Variants in SLC2A9 observed in about 807,000 individuals in gnomAD.
SLC2A9 encodes solute carrier family 2 member 9.
A neutral mutation model predicts 50.6 loss-of-function variants in SLC2A9; 39 were observed. The ratio of observed to expected loss-of-function variants is 0.77; its 90% CI spans 0.60 to 1.01. SLC2A9 has a LOEUF of 1.01. SLC2A9 is among the 50% of genes least tolerant of loss of function. SLC2A9 has a pLI of 0.00. For missense variants in SLC2A9, 686 were observed against 677.6 expected (o/e 1.01, Z -0.14); for synonymous variants, 324 against 276.9 (o/e 1.17, Z -1.69).
At chr4:9,976,232 G>A (rs947490477) in intron 5 of SLC2A9, among the ~76,000 whole-genome samples, 2 of 152,124 alleles carry the variant, frequency 1.3e-5, no homozygotes, top group South Asian at 2.1e-4. Context: ...GTACGCACAC[G>A]TACCCTCTTA....
intron 8 of SLC2A9, among the ~76,000 whole-genome samples, chr4:9,905,480 C>A (rs988652388): frequency 7.2e-5 from 11 of 152,198 alleles, no homozygotes; most frequent in Non-Finnish European, 1.0e-4. Context: ...AAGGCAGTGG[C>A]AGGAGTGCTC....
intron 3 of SLC2A9, among the ~76,000 whole-genome samples, chr4:9,989,235 A>G (rs1246033286): frequency 6.6e-6 from 1 of 152,130 alleles, no homozygotes; most frequent in African/African-American, 2.4e-5. Context: ...ATCTCTGTCT[A>G]CTGGGCATCT....
intron 10 of SLC2A9, among the ~76,000 whole-genome samples, chr4:9,837,132 C>CT (rs1727240310): frequency 6.6e-6 from 1 of 152,196 alleles, no homozygotes; most frequent in Non-Finnish European, 1.5e-5. Flanking sequence ...TGATCAGGCA[C>CT]TATCTCCATT....
chr4:9,867,771 T>C (rs1290137378), intron 10 of SLC2A9, among the ~76,000 whole-genome samples: 2 of 152,182 alleles, frequency 1.3e-5, no homozygotes, highest in African/African-American at 4.8e-5. Flanking sequence ...AATGATCAAC[T>C]GCTTAAAACG....
intron 2 of SLC2A9, among the ~76,000 whole-genome samples, chr4:9,998,037 G>A (rs922197121): frequency 6.6e-6 from 1 of 152,186 alleles, no homozygotes; most frequent in Non-Finnish European, 1.5e-5. Context: ...ATGACAGAAT[G>A]CCTGACATCA....
chr4:10,023,024 A>G (rs1434271957), upstream of SLC2A9, among the ~76,000 whole-genome samples: 1 of 152,230 alleles, frequency 6.6e-6, no homozygotes, highest in Non-Finnish European at 1.5e-5. Flanking sequence ...TGGTGGGCCT[A>G]GAGCAGCATT....
chr4:9,807,437 G>T (rs1010264759), intron 3 of SLC2A9, among the ~76,000 whole-genome samples: 1 of 152,172 alleles, frequency 6.6e-6, no homozygotes, highest in East Asian at 1.9e-4. Flanking sequence ...TAGGCCAGAT[G>T]CCTCTTGTTT....
At chr4:9,811,908 A>G (rs1467166127) in intron 3 of SLC2A9, among the ~76,000 whole-genome samples, 3 of 152,230 alleles carry the variant, frequency 2.0e-5, no homozygotes, top group African/African-American at 7.2e-5. Flanking sequence ...GAAAAAATAA[A>G]GGAGGCAGAG....
downstream of SLC2A9, among the ~76,000 whole-genome samples, chr4:9,776,595 G>C (rs920251463): frequency 1.3e-5 from 2 of 152,062 alleles, no homozygotes; most frequent in Non-Finnish European, 1.5e-5. Flanking sequence ...GTTGGTGTCT[G>C]TGCAGTATTT....
In SLC2A9 at chr4:9,863,232, G is replaced by A. The variant is rs892637653; in HGVS notation, c.1291+24335C>T. On this transcript the variant is annotated intron_variant, in intron 10 of 11. Transcript: ENST00000264784. ...CATGAACATGGCTCACTCTAACCTC[G>A]ATCTCCTGGGCTCAAGCCATCCTCC... Among the ~76,000 whole-genome samples, 103 of 152,006 alleles carry A rather than the reference G, an allele frequency of 6.8e-4. 3 individuals carry two copies. The highest frequency in any genetic ancestry group is 2.4e-3 in the African/African-American group (99 of 41,314).
rs1038976755 is a variant in SLC2A9, at chr4:9,977,760, A to G, written c.681+2832T>C. On this transcript the variant is annotated intron_variant, in intron 5 of 11. Transcript: ENST00000264784. ...AAAACCACCCCCGATGCCCTACCAG[A>G]GGTCAGTGCCTATTTTCCTATTACC... 4.6e-5 allele frequency among the ~76,000 whole-genome samples: 7 copies of G among 152,086 alleles called. No individual in the cohort carries two copies. In the East Asian group the frequency reaches 1.3e-3, roughly 29 times the overall value.
chr4:9,858,445 G>T (rs148295807), intron 10 of SLC2A9, among the ~76,000 whole-genome samples: 230 of 152,282 alleles, frequency 1.5e-3, no homozygotes, highest in African/African-American at 5.5e-3. Context: ...GTTTATCAGG[G>T]TTTTTCCTTT....
At chr4:9,966,169 G>A (rs551327703) in intron 5 of SLC2A9, among the ~76,000 whole-genome samples, 3 of 152,192 alleles carry the variant, frequency 2.0e-5, no homozygotes, top group African/African-American at 7.2e-5. Context: ...CCCTGCCAGC[G>A]GGAATGGAAA....
At position 9,985,775 on chromosome 4, in the gene SLC2A9, G is replaced by A. The variant is rs2109147222; in HGVS notation, c.429C>T (p.Ala143=). ...CAGCAGAAATTGCAAACCCATTATT[G>A]GCCAGCAAAGTGTGCTTCCTGGAAA... ...KVLGRKHTLL[A]NNGFAISAAL... Residue 143 remains alanine (A), a synonymous_variant, in exon 4 of 12, where the codon GCC becomes GCT. Transcript: ENST00000264784. The A allele has an allele frequency of 6.2e-7, 1 of 1,614,016 alleles. No individual in the cohort carries two copies. The highest frequency in any genetic ancestry group is 8.5e-7 in the Non-Finnish European group (1 of 1,179,880).
At chr4:9,972,832 C>T (rs1754129862) in intron 5 of SLC2A9, among the ~76,000 whole-genome samples, 3 of 152,134 alleles carry the variant, frequency 2.0e-5, no homozygotes, top group Admixed American at 2.0e-4. Context: ...TAAATGCCTA[C>T]CTCAAAAAGT....
intron 6 of SLC2A9, among the ~76,000 whole-genome samples, chr4:9,938,209 G>A (rs1446226961): frequency 3.3e-5 from 5 of 151,604 alleles, no homozygotes; most frequent in African/African-American, 1.2e-4. Context: ...AATATATAAA[G>A]TCATAATATT....
At chr4:10,021,621 A>G, upstream of SLC2A9, 1 of 803,836 alleles carries the variant, frequency 1.2e-6, no homozygotes, top group Non-Finnish European at 2.0e-6. Flanking sequence ...TACAGCAATG[A>G]AACAGTCCAA....
intron 6 of SLC2A9, among the ~76,000 whole-genome samples, chr4:9,924,977 T>C (rs2110115287): frequency 6.6e-6 from 1 of 152,296 alleles, no homozygotes; most frequent in East Asian, 1.9e-4. Flanking sequence ...GGGCCACTCT[T>C]CTGCACACAA....
intron 7 of SLC2A9, among the ~76,000 whole-genome samples, chr4:9,912,164 G>T (rs1319797044): frequency 3.9e-5 from 6 of 152,104 alleles, no homozygotes; most frequent in East Asian, 1.9e-4. Flanking sequence ...CGGGGAGGGA[G>T]AGCATTAGGA....
Sources: gnomAD v4.1 joint callset for allele counts (sites outside exome capture counted in the v4.1 genomes callset) on GRCh38, gnomAD v4.1.1 for gene constraint, MANE v1.5 for transcripts, NCBI Gene and HGNC (gene_info 2026-07-23, HGNC 2026-07-21) for gene names.